Variants in FMNL2 observed in about 807,000 individuals in gnomAD.
The protein encoded by FMNL2 is formin-like protein 2.
A neutral mutation model predicts 130.2 loss-of-function variants in FMNL2; 51 were observed. The ratio of observed to expected loss-of-function variants is 0.39; its 90% CI spans 0.31 to 0.49. FMNL2 has a LOEUF of 0.49. FMNL2 is among the 20% of genes least tolerant of loss of function. The pLI is 0.85. For synonymous variants in FMNL2, 465 were observed against 467.1 expected (o/e 1.00, Z 0.06); for missense variants, 977 against 1,316.2 (o/e 0.74, Z 3.99).
chr2:152,366,282 C>CT (rs1239354235), intron 1 of FMNL2, among the ~76,000 whole-genome samples: 6 of 95,098 alleles, frequency 6.3e-5, no homozygotes, highest in African/African-American at 2.9e-4. Flanking sequence ...ACACCGGGGA[C>CT]TGTTGTGGGG....
At chr2:152,507,710 T>G (rs760505460) in intron 1 of FMNL2, among the ~76,000 whole-genome samples, 21 of 152,214 alleles carry the variant, frequency 1.4e-4, no homozygotes, top group Non-Finnish European at 2.9e-4. Flanking sequence ...CTGTGGACAC[T>G]GTGCTACCGT....
intron 1 of FMNL2, among the ~76,000 whole-genome samples, chr2:152,396,375 C>T (rs1436083560): frequency 1.3e-5 from 2 of 152,212 alleles, no homozygotes; most frequent in East Asian, 1.9e-4. Flanking sequence ...AGAACTGATT[C>T]GTAATTTCTT....
At chr2:152,548,204 A>T (rs1694749660) in intron 3 of FMNL2, among the ~76,000 whole-genome samples, 1 of 152,138 alleles carries the variant, frequency 6.6e-6, no homozygotes, top group South Asian at 2.1e-4. Context: ...GTAGCTCTGC[A>T]TGCTTATTTT....
intron 1 of FMNL2, among the ~76,000 whole-genome samples, chr2:152,447,026 A>C (rs1309606570): frequency 6.6e-6 from 1 of 152,034 alleles, no homozygotes; most frequent in Non-Finnish European, 1.5e-5. Context: ...TAAAGAGATG[A>C]TATTTACCCT....
chr2:152,577,691 CT>C (rs1454373733), intron 7 of FMNL2, among the ~76,000 whole-genome samples: 1 of 152,144 alleles, frequency 6.6e-6, no homozygotes. Context: ...CTGTTAGATG[CT>C]GCTAAGTCAA....
chr2:152,637,636 T>C lies in FMNL2; in HGVS notation c.2908T>C (p.Phe970Leu). The C allele has an allele frequency of 1.2e-6, 2 of 1,614,020 alleles. No homozygotes were observed. The highest frequency in any genetic ancestry group is 1.7e-6 in the Non-Finnish European group (2 of 1,179,878). Reference sequence around the variant, plus strand: ...CCCCAAGACAACACCACCCTCTGTCTTCTTTCCTGTCTTTGTCCGGTTTGT... The same window carrying C: ...CCCCAAGACAACACCACCCTCTGTCCTCTTTCCTGTCTTTGTCCGGTTTGT... ...ENPKTTPPSV[F>L]FPVFVRFVKA... The change falls in exon 23 of 26, where the codon TTC becomes CTC. Residue 970 changes from phenylalanine to leucine, a missense_variant. This residue lies in a region of FMNL2 where 168 missense variants were observed against 168.8 expected (regional missense o/e 1.00). Coordinates refer to ENST00000288670, the MANE Select transcript of FMNL2 (RefSeq NM_052905.4).
At chr2:152,518,599 G>A (rs574804162) in intron 1 of FMNL2, among the ~76,000 whole-genome samples, 1 of 152,164 alleles carries the variant, frequency 6.6e-6, no homozygotes, top group Admixed American at 6.5e-5. Flanking sequence ...TTTGCCTTTT[G>A]TTACGTGCCC....
At position 152,469,389 on chromosome 2, in the gene FMNL2, C is replaced by T. The variant is rs1274759101; in HGVS notation, c.118-52554C>T. On this transcript the variant is annotated intron_variant, in intron 1 of 25. Coordinates refer to ENST00000288670, the MANE Select transcript of FMNL2 (RefSeq NM_052905.4). The stretch of plus-strand genomic sequence containing the variant: ...GAAGTGACACAGCTATTGTCAACAC[C>T]TCTCATTATCCACCTACTTCTGACT... Among the ~76,000 whole-genome samples the T allele has an allele frequency of 4.6e-5, 7 of 152,232 alleles. 1 individual carries two copies. The highest frequency in any genetic ancestry group is 1.2e-4 in the African/African-American group (5 of 41,452).
intron 1 of FMNL2, among the ~76,000 whole-genome samples, chr2:152,458,890 G>A (rs1478639195): frequency 6.6e-6 from 1 of 152,206 alleles, no homozygotes; most frequent in African/African-American, 2.4e-5. Flanking sequence ...AATGAAGAGA[G>A]TGTGTCTTGT....
At position 152,379,808 on chromosome 2, in the gene FMNL2, C is replaced by T. The variant is rs186210373; in HGVS notation, c.117+44088C>T. On this transcript the variant is annotated intron_variant, in intron 1 of 25. Transcript: ENST00000288670. ...ATGCTTGGGAGATTATAATGTGTTC[C>T]GACTTCAAAATTTTAAGTTAACTTC... Among the ~76,000 whole-genome samples the T allele has an allele frequency of 4.6e-5, 7 of 152,154 alleles. No homozygotes were observed. In the East Asian group the frequency reaches 5.8e-4, roughly 13 times the overall value.
chr2:152,468,634 CTTATTTAAGCCAGTATATCCAAAACA>C (rs986362063), intron 1 of FMNL2, among the ~76,000 whole-genome samples: 3 of 152,016 alleles, frequency 2.0e-5, no homozygotes, highest in Admixed American at 1.3e-4. Context: ...AATGATATAC[CTTATTTAAGCCAGTATATCCAAAACA>C]TTATTGAAAT....
At chr2:152,619,469 C>T (rs777160664) in intron 14 of FMNL2, 40 bp from the exon 15 acceptor site, 17 of 1,549,266 alleles carry the variant, frequency 1.1e-5, no homozygotes, top group Admixed American at 7.9e-5. Flanking sequence ...AAGCCATTCC[C>T]GTATTTTCAA....
chr2:152,586,115 C>T (rs1697061551), intron 9 of FMNL2, among the ~76,000 whole-genome samples: 1 of 152,122 alleles, frequency 6.6e-6, no homozygotes, highest in Admixed American at 6.5e-5. Flanking sequence ...TAACTGTATT[C>T]TCATCTGCTT....
At chr2:152,638,046 C>T (rs1682770157) in intron 23 of FMNL2, among the ~76,000 whole-genome samples, 1 of 152,182 alleles carries the variant, frequency 6.6e-6, no homozygotes, top group Non-Finnish European at 1.5e-5. Context: ...GGTGAAGGTG[C>T]ATGATACAGC....
At chr2:152,555,708 T>C (rs1396064449) in intron 4 of FMNL2, among the ~76,000 whole-genome samples, 1 of 152,230 alleles carries the variant, frequency 6.6e-6, no homozygotes, top group African/African-American at 2.4e-5. Context: ...TAAATTCAGA[T>C]GTACAGCATA....
chr2:152,573,106 A>G (rs1455146864), intron 6 of FMNL2, among the ~76,000 whole-genome samples: 1 of 152,216 alleles, frequency 6.6e-6, no homozygotes, highest in Non-Finnish European at 1.5e-5. Context: ...TTAAGTCAAA[A>G]AACATCCTCA....
chr2:152,392,152 T>A (rs1268773748), intron 1 of FMNL2, among the ~76,000 whole-genome samples: 1 of 152,148 alleles, frequency 6.6e-6, no homozygotes, highest in East Asian at 1.9e-4. Flanking sequence ...CTAAACATTG[T>A]GGAAGGTAGT....
intron 9 of FMNL2, among the ~76,000 whole-genome samples, chr2:152,607,017 T>TG (rs67469761): frequency 1.5e-4 from 12 of 78,740 alleles, no homozygotes; most frequent in African/African-American, 4.7e-4. Flanking sequence ...TTTTTTTTTT[T>TG]TTTTTTTACC....
chr2:152,345,838 C>T (rs1475450619), intron 1 of FMNL2, among the ~76,000 whole-genome samples: 1 of 152,158 alleles, frequency 6.6e-6, no homozygotes, highest in Non-Finnish European at 1.5e-5. Context: ...CTTGTGCAGC[C>T]CTTCCTCTTG....
Sources: gnomAD v4.1 joint callset for allele counts (sites outside exome capture counted in the v4.1 genomes callset) on GRCh38, gnomAD v4.1.1 for gene constraint, gnomAD v4.1.1 regional missense constraint, MANE v1.5 for transcripts, NCBI Gene and HGNC (gene_info 2026-07-23, HGNC 2026-07-21) for gene names.